Variants in IQUB observed in about 807,000 individuals in gnomAD.
IQUB encodes the protein IQ motif and ubiquitin domain containing.
A neutral mutation model predicts 86.4 loss-of-function variants in IQUB; 86 were observed. That is an observed-to-expected ratio of 1.00 (90% CI 0.84 to 1.19). The LOEUF (loss-of-function observed/expected upper bound fraction) is 1.19, where lower values mean the gene tolerates loss of function less well. IQUB is among the 50% of genes most tolerant of loss of function. The probability of loss-of-function intolerance (pLI) is 0.00; values close to 1 mark genes in which losing one functional copy is unlikely to be tolerated. For synonymous variants in IQUB, 289 were observed against 304.5 expected, an observed-to-expected ratio of 0.95 and a Z score of 0.53; for missense variants, 946 against 916.9, an observed-to-expected ratio of 1.03 and a Z score of -0.41.
At chr7:123,471,327 G>GAGA (rs1794512700) in intron 8 of IQUB, among the ~76,000 whole-genome samples, 3 of 152,118 alleles carry the variant, frequency 2.0e-5, no homozygotes, top group Non-Finnish European at 4.4e-5. Flanking sequence ...AGGCCTCAGA[G>GAGA]TGTTACTGAA....
At chr7:123,513,198 C>T (rs1404900) in intron 1 of IQUB, among the ~76,000 whole-genome samples, 53,453 of 151,898 alleles carry the variant, frequency 0.35, 9,480 homozygotes, top group African/African-American at 0.36. Flanking sequence ...AATTCACCCA[C>T]AGCCAGTGGA....
At chr7:123,498,944 T>C (rs1011069548) in intron 6 of IQUB, among the ~76,000 whole-genome samples, 5 of 152,184 alleles carry the variant, frequency 3.3e-5, no homozygotes, top group Non-Finnish European at 7.3e-5. Context: ...TAGTAGTTTC[T>C]TGTAAGCTGA....
At chr7:123,520,152 A>G (rs1796837657) in intron 1 of IQUB, among the ~76,000 whole-genome samples, 1 of 152,100 alleles carries the variant, frequency 6.6e-6, no homozygotes, top group Admixed American at 6.5e-5. Context: ...TATTTGATAC[A>G]TATCTTTATC....
At chr7:123,483,695 T>C (rs1035237158) in intron 7 of IQUB, among the ~76,000 whole-genome samples, 2 of 152,092 alleles carry the variant, frequency 1.3e-5, no homozygotes, top group Non-Finnish European at 2.9e-5. Context: ...TTGCTACTTC[T>C]CTTTTCATTT....
intron 8 of IQUB, among the ~76,000 whole-genome samples, chr7:123,470,909 T>A (rs760434741): frequency 1.3e-5 from 2 of 151,982 alleles, no homozygotes; most frequent in Non-Finnish European, 2.9e-5. Context: ...ATTTTAGTTG[T>A]AACATCAATT....
intron 2 of IQUB, among the ~76,000 whole-genome samples, chr7:123,510,261 CA>C (rs1234109290): frequency 6.6e-6 from 1 of 152,036 alleles, no homozygotes; most frequent in African/African-American, 2.4e-5. Context: ...CCCATAATCT[CA>C]AAAATTAGCT....
intron 12 of IQUB, 65 bp from the exon 13 acceptor site, chr7:123,452,990 T>C: frequency 8.0e-7 from 1 of 1,253,098 alleles, no homozygotes; most frequent in Non-Finnish European, 1.1e-6. Flanking sequence ...AAAAATACTG[T>C]CATGCCTCGG....
intron 1 of IQUB, among the ~76,000 whole-genome samples, chr7:123,526,411 G>A (rs1336358764): frequency 1.3e-5 from 2 of 152,130 alleles, no homozygotes; most frequent in Non-Finnish European, 2.9e-5. Context: ...ATATATTTAG[G>A]TTAGCTCTTC....
chr7:123,488,002 T>C (rs1305172053), intron 7 of IQUB, among the ~76,000 whole-genome samples: 1 of 152,000 alleles, frequency 6.6e-6, no homozygotes, highest in Non-Finnish European at 1.5e-5. Flanking sequence ...TTATTAATAG[T>C]CTGAAAAAAA....
intron 8 of IQUB, among the ~76,000 whole-genome samples, chr7:123,479,454 T>C (rs1403157278): frequency 6.6e-6 from 1 of 152,118 alleles, no homozygotes; most frequent in African/African-American, 2.4e-5. Context: ...ACTTTGATAC[T>C]CTGCATTTTA....
At position 123,503,118 on chromosome 7, in the gene IQUB, T is replaced by A. The variant is rs1796023062; in HGVS notation, c.695-2A>T. 1 of 1,611,544 alleles carries A rather than the reference T, an allele frequency of 6.2e-7. No homozygotes were observed. Among genetic ancestry groups the A allele is most frequent in the South Asian group, 1.1e-5 (1 of 90,796 alleles). The stretch of plus-strand genomic sequence containing the variant: ...GTACCTGCTGGTATTGATCAAGTCC[T>A]GAGAGATAACACCAAGATTCAATGA... On this transcript the variant is annotated splice_acceptor_variant, in intron 4 of 12. Coordinates refer to ENST00000324698, the MANE Select transcript of IQUB (RefSeq NM_178827.5). LOFTEE classifies it high-confidence loss of function.
rs925140512 is a variant in IQUB, at chr7:123,452,896, G to T, written c.2223C>A (p.Ile741=). ...TCTTAGCCAGGATATGTTTGTGTTT[G>T]ATCTTGTGAATAAATGAGCGTTCAT... ...EGYERSFIHK[I]KHKHILAKNY... Residue 741 remains isoleucine (I), a synonymous_variant, in exon 13 of 13, where the codon ATC becomes ATA. Coordinates refer to ENST00000324698, the MANE Select transcript of IQUB (RefSeq NM_178827.5). 1 of 1,612,264 alleles carries T rather than the reference G, an allele frequency of 6.2e-7. No homozygotes were observed. Among genetic ancestry groups the T allele is most frequent in the Non-Finnish European group, 8.5e-7 (1 of 1,178,964 alleles).
chr7:123,493,727 GTGTA>G (rs201596548), intron 7 of IQUB, among the ~76,000 whole-genome samples: 14,031 of 129,540 alleles, frequency 0.11, 720 homozygotes, highest in East Asian at 0.17. Context: ...AGAAATGTGT[GTGTA>G]TGTGTGTGTG....
In IQUB at chr7:123,452,630, A is replaced by C. The variant is rs1458248032; in HGVS notation, c.*113T>G. The C allele has an allele frequency of 3.2e-6, 2 of 631,224 alleles. No homozygotes were observed. The allele number at this position is 631,224 out of a possible 1,614,324, so 39.1% of individuals were successfully genotyped here. On this transcript the variant is annotated 3_prime_UTR_variant, in exon 13 of 13. Transcript: ENST00000324698. The stretch of plus-strand genomic sequence containing the variant: ...TATAACTCAAAATACTATGAAAAAC[A>C]AAAAACAAAATCAATAAACAGATTA...
chr7:123,463,540 ATATAG>A (rs901612268), intron 10 of IQUB, among the ~76,000 whole-genome samples: 4 of 151,892 alleles, frequency 2.6e-5, no homozygotes, highest in Non-Finnish European at 5.9e-5. Context: ...AAAAGACTAC[ATATAG>A]TATGATTCCA....
chr7:123,487,052 A>G (rs1046826530), intron 7 of IQUB, among the ~76,000 whole-genome samples: 1 of 151,980 alleles, frequency 6.6e-6, no homozygotes, highest in Non-Finnish European at 1.5e-5. Flanking sequence ...ATGAGGGTGA[A>G]TTTCCCCCTT....
At chr7:123,528,182 G>A (rs569135165) in intron 1 of IQUB, among the ~76,000 whole-genome samples, 65 of 152,160 alleles carry the variant, frequency 4.3e-4, no homozygotes, top group South Asian at 1.2e-3. Context: ...GCTCGCGCAC[G>A]GTGCACGCAC....
intron 3 of IQUB, among the ~76,000 whole-genome samples, chr7:123,505,207 C>CTCAAGCCATGCTTGAGAGA (rs1386482059): frequency 2.6e-5 from 4 of 152,192 alleles, no homozygotes; most frequent in African/African-American, 9.6e-5. Flanking sequence ...GGGCTCAGCT[C>CTCAAGCCATGCTTGAGAGA]GCATGGCTGC....
At position 123,461,505 on chromosome 7, in the gene IQUB, C is replaced by T. The variant is rs753665701; in HGVS notation, c.1859G>A (p.Arg620His). The T allele has an allele frequency of 5.0e-6, 8 of 1,611,896 alleles. No individual in the cohort carries two copies. The highest frequency in any genetic ancestry group is 4.4e-5 in the South Asian group (4 of 91,008). ...GCAGTTACGACACCGGTATATGCGG[C>T]GTGAGGTGGATGATACAGAAAATTC... The part of the protein sequence containing the change: ...STEFSVSSTS[R>H]RIYRCRNCIN... The change falls in exon 11 of 13, where the codon CGC becomes CAC. Residue 620 changes from arginine to histidine, a missense_variant. Physicochemically the swap from Arg to His is conservative, Grantham distance 29. Coordinates refer to ENST00000324698, the MANE Select transcript of IQUB (RefSeq NM_178827.5).
Sources: allele counts gnomAD v4.1 joint callset (sites outside exome capture counted in the v4.1 genomes callset), GRCh38; gene constraint gnomAD v4.1.1; transcripts MANE v1.5; gene names NCBI Gene and HGNC (gene_info 2026-07-23, HGNC 2026-07-21).